The following CDH8 variants were observed in gnomAD, a reference collection of about 807,000 sequenced individuals.
CDH8 encodes cadherin 8.
Under a neutral mutation model 68.1 loss-of-function variants are expected in CDH8, and 17 were observed. The ratio of observed to expected loss-of-function variants is 0.25; its 90% confidence interval spans 0.17 to 0.37. CDH8 has a LOEUF of 0.37. Ranked by LOEUF, CDH8 falls within the 10% of genes least tolerant of loss-of-function variation. The pLI is 1.00. For synonymous variants in CDH8, 372 were observed against 365.1 expected, an observed-to-expected ratio of 1.02 and a Z score of -0.21; for missense variants, 763 against 999.3, an observed-to-expected ratio of 0.76 and a Z score of 3.19.
At chr16:61,964,184 T>C (rs113907065) in intron 2 of CDH8, among the ~76,000 whole-genome samples, 1 of 152,116 alleles carries the variant, frequency 6.6e-6, no homozygotes, top group Non-Finnish European at 1.5e-5. Flanking sequence ...GACCAAAACA[T>C]CTCTTGTATT....
chr16:62,008,953 ACAC>A (rs2150602499), intron 2 of CDH8, among the ~76,000 whole-genome samples: 1 of 151,892 alleles, frequency 6.6e-6, no homozygotes, highest in African/African-American at 2.4e-5. Context: ...ACACACACAC[ACAC>A]ACACACACAT....
chr16:61,674,314 CG>C (rs1449917115), intron 10 of CDH8, among the ~76,000 whole-genome samples: 2 of 151,898 alleles, frequency 1.3e-5, no homozygotes, highest in Admixed American at 1.3e-4. Context: ...ATTATTTGGG[CG>C]TGGTGGTGAG....
chr16:61,763,406 A>G (rs1426470384), intron 8 of CDH8, among the ~76,000 whole-genome samples: 1 of 152,198 alleles, frequency 6.6e-6, no homozygotes, highest in Non-Finnish European at 1.5e-5. Context: ...AGGATAGCAG[A>G]AAGTCTGCAT....
intron 7 of CDH8, among the ~76,000 whole-genome samples, chr16:61,804,530 G>C (rs1375347001): frequency 1.3e-5 from 2 of 149,296 alleles, no homozygotes; most frequent in African/African-American, 5.0e-5. Context: ...GAATCCAGGA[G>C]CTGGTTTTTT....
chr16:61,900,387 T>G (rs1354661117), intron 3 of CDH8, among the ~76,000 whole-genome samples: 1 of 152,210 alleles, frequency 6.6e-6, no homozygotes, highest in Non-Finnish European at 1.5e-5. Context: ...TTTGTAATCT[T>G]ATACTTTGAA....
intron 1 of CDH8, among the ~76,000 whole-genome samples, chr16:62,028,358 G>C (rs1014792517): frequency 6.6e-6 from 1 of 151,796 alleles, no homozygotes; most frequent in African/African-American, 2.4e-5. Flanking sequence ...GTGAGCCACC[G>C]CGACCGGCCT....
chr16:61,953,575 A>AG (rs1372429622), intron 2 of CDH8, among the ~76,000 whole-genome samples: 1 of 151,808 alleles, frequency 6.6e-6, no homozygotes, highest in African/African-American at 2.4e-5. Context: ...CAAAAAAAAA[A>AG]AAGACACTGG....
intron 5 of CDH8, among the ~76,000 whole-genome samples, chr16:61,822,838 G>A (rs1163230903): frequency 6.6e-6 from 1 of 151,806 alleles, no homozygotes; most frequent in Non-Finnish European, 1.5e-5. Flanking sequence ...TCCTACATGG[G>A]GAGTCTTGGG....
intron 8 of CDH8, among the ~76,000 whole-genome samples, chr16:61,749,635 C>A (rs1220310168): frequency 6.6e-6 from 1 of 151,978 alleles, no homozygotes; most frequent in Non-Finnish European, 1.5e-5. Context: ...GACTGAAAGG[C>A]TTGAATGAAA....
intron 3 of CDH8, 124 bp from the exon 4 acceptor site, chr16:61,857,362 TA>T (rs1300618571): frequency 5.8e-6 from 5 of 862,106 alleles, no homozygotes; most frequent in Non-Finnish European, 8.7e-6. Flanking sequence ...GAAATCTTTT[TA>T]AAAAGTTGAA....
chr16:62,033,618 A>G lies in CDH8; in HGVS notation c.-200+2462T>C, dbSNP rs1350351085. ...AACCAATTTGCAGGGAGAATAGATTAAAAAGTTTGAATGACAGCATTACAG... is the reference window on the plus strand; with the variant it reads ...AACCAATTTGCAGGGAGAATAGATTGAAAAGTTTGAATGACAGCATTACAG... On this transcript the variant is annotated intron_variant, in intron 1 of 11. Coordinates refer to ENST00000577390, the MANE Select transcript of CDH8 (RefSeq NM_001796.5). Among the ~76,000 whole-genome samples, 3 of 152,224 alleles carry G rather than the reference A, an allele frequency of 2.0e-5. No homozygotes were observed. The East Asian group carries it at 5.8e-4, about 29-fold the overall frequency.
At chr16:61,804,738 C>T (rs1407143360) in intron 7 of CDH8, among the ~76,000 whole-genome samples, 2 of 146,462 alleles carry the variant, frequency 1.4e-5, no homozygotes, top group South Asian at 2.2e-4. Context: ...ATACATTCCT[C>T]GACACATACA....
intron 10 of CDH8, among the ~76,000 whole-genome samples, chr16:61,707,690 A>G (rs1964559030): frequency 6.6e-6 from 1 of 152,206 alleles, no homozygotes; most frequent in Admixed American, 6.5e-5. Flanking sequence ...GCTGAAATTA[A>G]TGCAAAATGC....
chr16:61,903,502 T>C (rs1320586559), intron 2 of CDH8, among the ~76,000 whole-genome samples: 1 of 152,182 alleles, frequency 6.6e-6, no homozygotes, highest in Non-Finnish European at 1.5e-5. Context: ...TTTTTGTATT[T>C]TTAGTAGAGA....
At chr16:61,756,294 TA>T (rs1387214639) in intron 8 of CDH8, among the ~76,000 whole-genome samples, 2 of 152,210 alleles carry the variant, frequency 1.3e-5, no homozygotes, top group African/African-American at 4.8e-5. Context: ...TATTACTAAA[TA>T]TTTAAGGTAA....
At chr16:61,850,724 C>A (rs2143012537) in intron 4 of CDH8, among the ~76,000 whole-genome samples, 1 of 152,062 alleles carries the variant, frequency 6.6e-6, no homozygotes, top group African/African-American at 2.4e-5. Context: ...CTCCCCTTAC[C>A]CCACATTTTC....
intron 8 of CDH8, among the ~76,000 whole-genome samples, chr16:61,748,627 C>T (rs983706853): frequency 1.3e-5 from 2 of 151,892 alleles, no homozygotes; most frequent in Admixed American, 6.6e-5. Flanking sequence ...TTCTAAATGT[C>T]GTTTCTCCAC....
intron 8 of CDH8, among the ~76,000 whole-genome samples, chr16:61,741,431 C>CT (rs1452717540): frequency 6.6e-6 from 1 of 151,954 alleles, no homozygotes; most frequent in East Asian, 1.9e-4. Flanking sequence ...AATTTTAGTG[C>CT]TTTTTTCATT....
chr16:61,672,415 C>T (rs1287021289), intron 10 of CDH8, among the ~76,000 whole-genome samples: 9 of 152,006 alleles, frequency 5.9e-5, no homozygotes, highest in Non-Finnish European at 1.3e-4. Context: ...TATTTGGTTG[C>T]ATTTTAAAAT....
Sources: allele counts gnomAD v4.1 joint callset (sites outside exome capture counted in the v4.1 genomes callset), GRCh38; gene constraint gnomAD v4.1.1; transcripts MANE v1.5; gene names NCBI Gene and HGNC (gene_info 2026-07-23, HGNC 2026-07-21).